RNLS: variants seen among roughly 807,000 people sequenced by gnomAD.
RNLS encodes the protein renalase.
A neutral mutation model predicts 39.8 loss-of-function variants in RNLS; 39 were observed. The ratio of observed to expected loss-of-function variants is 0.98; its 90% CI spans 0.76 to 1.28. The LOEUF (loss-of-function observed/expected upper bound fraction) is 1.28, where lower values mean the gene tolerates loss of function less well. Ranked by LOEUF, RNLS falls within the 50% of genes most tolerant of loss-of-function variation. RNLS has a pLI of 0.00. For missense variants in RNLS, 410 were observed against 413.3 expected (o/e 0.99, Z 0.07); for synonymous variants, 147 against 150.7 (o/e 0.98, Z 0.18).
At chr10:88,499,821 T>C (rs571529283) in intron 4 of RNLS, among the ~76,000 whole-genome samples, 2 of 152,218 alleles carry the variant, frequency 1.3e-5, no homozygotes, top group South Asian at 2.1e-4. Context: ...GCCCCACTTA[T>C]CATCCAGCTG....
At chr10:88,530,290 T>C (rs960686304) in intron 4 of RNLS, among the ~76,000 whole-genome samples, 15 of 152,224 alleles carry the variant, frequency 9.9e-5, no homozygotes, top group African/African-American at 3.6e-4. Flanking sequence ...GTATCTGCAA[T>C]AGATCTTGTT....
At chr10:88,240,224 A>G in the RNLS span, among the ~76,000 whole-genome samples, 3 of 152,176 alleles carry the variant, frequency 2.0e-5, no homozygotes, top group South Asian at 6.2e-4. Context: ...GCTATCCAAA[A>G]CCCTCATCTC....
chr10:88,185,430 A>G, the RNLS span, among the ~76,000 whole-genome samples: 1 of 151,934 alleles, frequency 6.6e-6, no homozygotes, highest in Non-Finnish European at 1.5e-5. Context: ...TTTAAATTCA[A>G]TCTTTATACT....
chr10:88,474,763 A>G (rs1262135369), intron 4 of RNLS, among the ~76,000 whole-genome samples: 1 of 152,118 alleles, frequency 6.6e-6, no homozygotes, highest in East Asian at 1.9e-4. Context: ...TACCTGACTC[A>G]GAGGATTATT....
At chr10:88,559,031 A>C (rs993292487) in intron 4 of RNLS, among the ~76,000 whole-genome samples, 3 of 152,116 alleles carry the variant, frequency 2.0e-5, no homozygotes, top group African/African-American at 7.2e-5. Flanking sequence ...TTTTAATAAA[A>C]CTCTTTTCAG....
At chr10:88,277,337 G>A (rs1162429471) in intron 6 of RNLS, among the ~76,000 whole-genome samples, 1 of 152,094 alleles carries the variant, frequency 6.6e-6, no homozygotes, top group African/African-American at 2.4e-5. Flanking sequence ...GGGAGGTGGG[G>A]GGTTGGGGGA....
intron 4 of RNLS, among the ~76,000 whole-genome samples, chr10:88,403,574 T>C (rs932835834): frequency 6.6e-6 from 1 of 152,108 alleles, no homozygotes; most frequent in African/African-American, 2.4e-5. Flanking sequence ...AATTGCTGAA[T>C]CTAGATTCAA....
chr10:88,518,992 C>T (rs573942166), intron 4 of RNLS, among the ~76,000 whole-genome samples: 74 of 152,026 alleles, frequency 4.9e-4, no homozygotes, highest in Non-Finnish European at 9.4e-4. Context: ...AAGGAGAAAA[C>T]TAATACTTTC....
intron 5 of RNLS, among the ~76,000 whole-genome samples, chr10:88,340,857 C>T (rs1317256906): frequency 4.0e-5 from 6 of 151,588 alleles, no homozygotes; most frequent in Admixed American, 1.3e-4. Flanking sequence ...GTCAGGAGTT[C>T]GAGACCAGCC....
chr10:88,495,572 A>T (rs1274758263), intron 4 of RNLS, among the ~76,000 whole-genome samples: 1 of 152,176 alleles, frequency 6.6e-6, no homozygotes, highest in Non-Finnish European at 1.5e-5. Flanking sequence ...ACATACTGAA[A>T]AGAAATCAAA....
In RNLS at chr10:88,562,469, G is replaced by T. The variant is rs374293310; in HGVS notation, c.526+10434C>A. Among the ~76,000 whole-genome samples the T allele has an allele frequency of 1.8e-4, 27 of 152,224 alleles. No individual in the cohort carries two copies. The South Asian group carries it at 5.6e-3, about 32-fold the overall frequency. ...AGTCATCCAAAGCTTTATATGGTTG[G>T]AACAAAGTGTGGAAGGGCACTCACT... On this transcript the variant is annotated intron_variant, in intron 4 of 6. Coordinates refer to ENST00000331772, the MANE Select transcript of RNLS (RefSeq NM_001031709.3).
the RNLS span, among the ~76,000 whole-genome samples, chr10:88,250,507 A>G: frequency 6.6e-6 from 1 of 152,206 alleles, no homozygotes; most frequent in African/African-American, 2.4e-5. Context: ...TGTGGGGAGC[A>G]TTTACCATGT....
At chr10:88,272,757 A>C (rs72818068), downstream of RNLS, among the ~76,000 whole-genome samples, 5,877 of 152,244 alleles carry the variant, frequency 0.039, 154 homozygotes, top group African/African-American at 0.065. Context: ...TCGTTTTTTT[A>C]AGATAGATAC....
intron 5 of RNLS, among the ~76,000 whole-genome samples, chr10:88,342,679 A>G (rs1017468146): frequency 5.3e-5 from 8 of 152,230 alleles, no homozygotes; most frequent in African/African-American, 9.6e-5. Context: ...AAATAGAGAA[A>G]CCATTTTAAT....
At chr10:88,356,867 C>T (rs1239707087) in intron 5 of RNLS, among the ~76,000 whole-genome samples, 1 of 151,126 alleles carries the variant, frequency 6.6e-6, no homozygotes, top group Non-Finnish European at 1.5e-5. Context: ...GATAGATTGT[C>T]TTAATCTCCT....
intron 4 of RNLS, among the ~76,000 whole-genome samples, chr10:88,420,715 C>G (rs1231971664): frequency 2.6e-5 from 4 of 152,200 alleles, no homozygotes; most frequent in South Asian, 2.1e-4. Context: ...AATAAGATAA[C>G]ATTTACAGAT....
intron 5 of RNLS, among the ~76,000 whole-genome samples, chr10:88,328,293 C>G (rs1846789734): frequency 2.6e-5 from 4 of 152,110 alleles, no homozygotes; most frequent in African/African-American, 4.8e-5. Flanking sequence ...TTTTTGTCCA[C>G]TTCAGTTATT....
Position 88,352,783 on chromosome 10 carries a change from TC to T in RNLS, c.700+9768del, listed in dbSNP as rs532907011. ...TAGTTTCAGAAGGAATGGTACCAGCTCCTCCTTGTACCTCTGGTGGAATTCG... is the reference window on the plus strand; with the variant it reads ...TAGTTTCAGAAGGAATGGTACCAGCTCTCCTTGTACCTCTGGTGGAATTCG... On this transcript the variant is annotated intron_variant, in intron 5 of 6. Transcript: ENST00000331772. Among the ~76,000 whole-genome samples the T allele has an allele frequency of 4.6e-3, 695 of 152,344 alleles. 3 individuals carry two copies. The highest frequency in any genetic ancestry group is 6.8e-3 in the Non-Finnish European group (465 of 68,034).
At chr10:88,487,711 C>T (rs186946333) in intron 4 of RNLS, among the ~76,000 whole-genome samples, 10 of 152,190 alleles carry the variant, frequency 6.6e-5, no homozygotes, top group Non-Finnish European at 1.5e-4. Context: ...AACATATGAT[C>T]CAGCCATTTC....
Sources: allele counts gnomAD v4.1 joint callset (sites outside exome capture counted in the v4.1 genomes callset), GRCh38; gene constraint gnomAD v4.1.1; transcripts MANE v1.5; gene names NCBI Gene and HGNC (gene_info 2026-07-23, HGNC 2026-07-21).